ARHGEF11: variants seen among roughly 807,000 people sequenced by gnomAD.
ARHGEF11 encodes the protein Rho guanine exchange factor (GEF) 11.
Under a neutral mutation model 193.7 loss-of-function variants are expected in ARHGEF11, and 55 were observed. The ratio of observed to expected loss-of-function variants is 0.28; its 90% CI spans 0.23 to 0.36. The LOEUF is 0.36. Among genes scored for constraint, ARHGEF11 ranks in the 10% least tolerant of loss-of-function variants. The pLI is 1.00. For missense variants in ARHGEF11, 1,723 were observed against 2,005.6 expected (o/e 0.86, Z 2.69); for synonymous variants, 693 against 768.0 (o/e 0.90, Z 1.62).
chr1:157,015,817 G>T (rs1669150389), intron 1 of ARHGEF11, among the ~76,000 whole-genome samples: 1 of 152,164 alleles, frequency 6.6e-6, no homozygotes, highest in Non-Finnish European at 1.5e-5. Flanking sequence ...TCTCCCAGGG[G>T]GAGCCAGATA....
At position 156,949,026 on chromosome 1, in the gene ARHGEF11, T is replaced by C. The variant is rs1213807598; in HGVS notation, c.1926-528A>G. On this transcript the variant is annotated intron_variant, in intron 22 of 40. Transcript: ENST00000368194. Reference sequence around the variant, plus strand: ...GAGTCACTATATTCACAGCTCATTTTAGGATTTTCCACACTGCCTGTCAGA... The same window carrying C: ...GAGTCACTATATTCACAGCTCATTTCAGGATTTTCCACACTGCCTGTCAGA... 2.1e-5 allele frequency: 21 copies of C among 985,326 alleles called. 1 individual carries two copies. Among genetic ancestry groups the C allele is most frequent in the Middle Eastern group, 1.0e-3 (2 of 1,936 alleles). The allele number at this position is 985,326 out of a possible 1,614,324, so 61.0% of individuals were successfully genotyped here. A position where few individuals can be genotyped will look rare whatever the true frequency, so the allele number is the denominator to read the frequency against.
At chr1:156,954,380 C>CAAAAAAAAAAAAAAAAAAAAAAAA in intron 21 of ARHGEF11, among the ~76,000 whole-genome samples, 1 of 75,148 alleles carries the variant, frequency 1.3e-5, no homozygotes. Context: ...ACTGTGTCTC[C>CAAAAAAAAAAAAAAAAAAAAAAAA]AAAAAAAAAA....
At chr1:157,023,207 A>C (rs145250928) in intron 1 of ARHGEF11, among the ~76,000 whole-genome samples, 1,969 of 152,332 alleles carry the variant, frequency 0.013, 39 homozygotes, top group African/African-American at 0.045. Flanking sequence ...ACAATCCATG[A>C]GATGGGAGAA....
At chr1:157,034,530 A>C (rs1471639439) in intron 1 of ARHGEF11, among the ~76,000 whole-genome samples, 1 of 152,256 alleles carries the variant, frequency 6.6e-6, no homozygotes. Flanking sequence ...TTTTGGTCTT[A>C]GTTCCTGGCA....
chr1:156,985,751 A>G (rs1664822833), intron 2 of ARHGEF11: 1 of 155,974 alleles, frequency 6.4e-6, no homozygotes, highest in Non-Finnish European at 1.4e-5. Context: ...TTTTTTTTAA[A>G]AAGAGATGGA....
chr1:156,986,997 C>T (rs1408821092), intron 1 of ARHGEF11, among the ~76,000 whole-genome samples: 1 of 152,202 alleles, frequency 6.6e-6, no homozygotes, highest in Admixed American at 6.5e-5. Context: ...CTACTAAAGA[C>T]CCCAAACCTT....
chr1:157,034,675 G>A (rs966182153), intron 1 of ARHGEF11, among the ~76,000 whole-genome samples: 1 of 152,162 alleles, frequency 6.6e-6, no homozygotes, highest in Admixed American at 6.5e-5. Context: ...ACTAAGCTGG[G>A]CCAAAGAAGA....
intron 7 of ARHGEF11, among the ~76,000 whole-genome samples, chr1:156,976,725 T>C (rs966874040): frequency 6.6e-6 from 1 of 152,248 alleles, no homozygotes; most frequent in African/African-American, 2.4e-5. Flanking sequence ...ATAAACTCTG[T>C]TGACTTTTTT....
chr1:157,009,459 A>G (rs760486061), intron 1 of ARHGEF11, among the ~76,000 whole-genome samples: 11 of 152,230 alleles, frequency 7.2e-5, no homozygotes, highest in Non-Finnish European at 1.0e-4. Context: ...CAATGTACAA[A>G]TAAGAGAAGT....
intron 1 of ARHGEF11, among the ~76,000 whole-genome samples, chr1:156,993,101 T>C (rs1417302144): frequency 6.6e-6 from 1 of 152,208 alleles, no homozygotes; most frequent in East Asian, 1.9e-4. Context: ...CTTATCTAAT[T>C]CAATACTCAC....
chr1:156,951,893 C>A (rs1476252340), intron 21 of ARHGEF11, among the ~76,000 whole-genome samples, 194 bp from the exon 22 acceptor site: 1 of 152,096 alleles, frequency 6.6e-6, no homozygotes, highest in Non-Finnish European at 1.5e-5. Context: ...GGCAGTCACA[C>A]TACCTTTCTG....
At chr1:156,944,555 T>A in intron 30 of ARHGEF11, 122 bp from the exon 31 acceptor site, 1 of 1,031,276 alleles carries the variant, frequency 9.7e-7, no homozygotes, top group South Asian at 1.4e-5. Flanking sequence ...AAAAAGTCCT[T>A]GCCCTTACTC....
chr1:156,987,279 T>C (rs987027536), intron 1 of ARHGEF11, among the ~76,000 whole-genome samples: 37 of 152,178 alleles, frequency 2.4e-4, no homozygotes, highest in African/African-American at 8.9e-4. Flanking sequence ...TCACAATGAG[T>C]GACTGGTTAA....
At chr1:156,959,200 C>G in intron 15 of ARHGEF11, 58 bp from the exon 16 acceptor site, 2 of 1,468,682 alleles carry the variant, frequency 1.4e-6, no homozygotes, top group Non-Finnish European at 1.9e-6. Context: ...GGAGGGGGAT[C>G]CCTTCTGCTG....
At chr1:156,995,256 G>A (rs1193289768) in intron 1 of ARHGEF11, among the ~76,000 whole-genome samples, 2 of 152,178 alleles carry the variant, frequency 1.3e-5, no homozygotes, top group Non-Finnish European at 1.5e-5. Context: ...GTTTCCCACT[G>A]TCCTTGCATG....
chr1:156,976,088 A>G (rs1020352703), intron 7 of ARHGEF11, among the ~76,000 whole-genome samples: 9 of 152,156 alleles, frequency 5.9e-5, no homozygotes, highest in Admixed American at 1.3e-4. Flanking sequence ...CCATTCCAAC[A>G]CCCACCCCTA....
chr1:157,005,053 G>C (rs1667658966), intron 1 of ARHGEF11, among the ~76,000 whole-genome samples: 1 of 152,178 alleles, frequency 6.6e-6, no homozygotes, highest in African/African-American at 2.4e-5. Context: ...GGAATGCCAG[G>C]CCTTGCCTTC....
chr1:157,006,264 A>C (rs1236183348), intron 1 of ARHGEF11, among the ~76,000 whole-genome samples: 1 of 152,148 alleles, frequency 6.6e-6, no homozygotes, highest in Non-Finnish European at 1.5e-5. Context: ...GAGCTACTGC[A>C]CCTGGCCCAC....
chr1:156,963,747 G>A, intron 11 of ARHGEF11, 153 bp from the exon 12 acceptor site: 2 of 1,452,260 alleles, frequency 1.4e-6, no homozygotes, highest in Non-Finnish European at 9.0e-7. Context: ...CAAAATCAGA[G>A]CACAGATGAA....
Sources: allele counts gnomAD v4.1 joint callset (sites outside exome capture counted in the v4.1 genomes callset), GRCh38; gene constraint gnomAD v4.1.1; transcripts MANE v1.5; gene names NCBI Gene and HGNC (gene_info 2026-07-23, HGNC 2026-07-21).